Variants in RSRP1 observed in about 807,000 individuals in gnomAD.
RSRP1 encodes arginine/serine-rich protein 1.
Under a neutral mutation model 33.0 loss-of-function variants are expected in RSRP1, and 37 were observed. The ratio of observed to expected loss-of-function variants is 1.12; its 90% CI spans 0.86 to 1.48. The LOEUF is 1.48. RSRP1 is among the 40% of genes most tolerant of loss of function. The pLI, the probability that RSRP1 is intolerant of heterozygous loss-of-function variation, is 0.00. For missense variants in RSRP1, 402 were observed against 385.3 expected (o/e 1.04, Z -0.36); for synonymous variants, 167 against 158.7 (o/e 1.05, Z -0.40).
chr1:25,278,150 G>T lies in RSRP1; in HGVS notation c.-66-31121C>A, dbSNP rs550085920. ...CCAGATGGGCAGGGGCAGTGGAGGA[G>T]ATTCTAGAGATATTTAGGAGATAAG... On this transcript the variant is annotated intron_variant, in intron 1 of 1. Transcript: ENST00000561867. Among the ~76,000 whole-genome samples the T allele has an allele frequency of 1.5e-5, 2 of 129,848 alleles. 1 individual carries two copies. The highest frequency in any genetic ancestry group is 3.9e-4 in the East Asian group (2 of 5,106). The allele number at this position is 129,848 out of a possible 152,430, so 85.2% of individuals were successfully genotyped here.
At position 25,289,179 on chromosome 1, in the gene RSRP1, G is replaced by A. The variant is rs1642285447; in HGVS notation, c.-66-42150C>T. ...GGGATACTGAATGGTGAGCTAGCACGATTTTACAGAGAGTGAATTTTTTTT... is the reference window on the plus strand; with the variant it reads ...GGGATACTGAATGGTGAGCTAGCACAATTTTACAGAGAGTGAATTTTTTTT... On this transcript the variant is annotated intron_variant, in intron 1 of 1. Transcript: ENST00000561867. Among the ~76,000 whole-genome samples the A allele has an allele frequency of 1.5e-5, 2 of 132,176 alleles. 1 individual carries two copies. The highest frequency in any genetic ancestry group is 1.5e-4 in the Admixed American group (2 of 13,584). The allele number at this position is 132,176 out of a possible 152,430, so 86.7% of individuals were successfully genotyped here.
At chr1:25,307,920 C>T (rs1643937308) in intron 1 of RSRP1, 2 of 926,192 alleles carry the variant, frequency 2.2e-6, no homozygotes, top group African/African-American at 3.3e-5. Context: ...AATAACTGTG[C>T]AATTCTAAGC....
In RSRP1 at chr1:25,277,121, T is replaced by C. The variant is rs1314433302; in HGVS notation, c.-66-30092A>G. Among the ~76,000 whole-genome samples the C allele has an allele frequency of 1.6e-4, 21 of 132,462 alleles. 1 individual carries two copies. The South Asian group carries it at 4.1e-3, about 26-fold the overall frequency. 86.9% of individuals were successfully genotyped at this position (132,462 alleles called of 152,430 possible). ...CATAAAACCCTGCCATTAGTTGCAA[T>C]ATGAAGAATATAGAGAAATGCATAT... On this transcript the variant is annotated intron_variant, in intron 1 of 1. Transcript: ENST00000561867.
In RSRP1 at chr1:25,307,747, C is replaced by T. The variant is rs183188679; in HGVS notation, c.-67+30231G>A. On this transcript the variant is annotated intron_variant, in intron 1 of 1. Coordinates refer to the RSRP1 transcript ENST00000561867. ...GAGAAATCATGGAGGCGCTGCGGTT[C>T]CTACCGGTTCTTGGATGCCTTCTAC... The T allele has an allele frequency of 1.1e-3, 1,443 of 1,307,206 alleles. 270 individuals carry two copies. In the African/African-American group the frequency reaches 0.012, roughly 11 times the overall value. 81.0% of individuals were successfully genotyped at this position (1,307,206 alleles called of 1,614,324 possible). A position where few individuals can be genotyped will look rare whatever the true frequency, so the allele number is the denominator to read the frequency against.
At chr1:25,249,866 T>G (rs954999183), upstream of RSRP1, among the ~76,000 whole-genome samples, 6 of 152,206 alleles carry the variant, frequency 3.9e-5, no homozygotes, top group East Asian at 9.6e-4. Context: ...GCACCGAATT[T>G]GTAGGCTAAT....
At chr1:25,311,189 G>T (rs150173489) in intron 1 of RSRP1, among the ~76,000 whole-genome samples, 1,706 of 131,836 alleles carry the variant, frequency 0.013, 235 homozygotes, top group African/African-American at 0.041. Context: ...TTGGAAACTG[G>T]AGCAAAGGTC....
At position 25,267,853 on chromosome 1, in the gene RSRP1, C is replaced by A. The variant is rs1451044077; in HGVS notation, c.-66-20824G>T. 60 of 131,292 alleles carry A rather than the reference C, an allele frequency of 4.6e-4. 12 individuals carry two copies. Among genetic ancestry groups the A allele is most frequent in the African/African-American group, 1.5e-3 (58 of 38,482 alleles). 8.1% of individuals were successfully genotyped at this position (131,292 alleles called of 1,614,324 possible). A position where few individuals can be genotyped will look rare whatever the true frequency, so the allele number is the denominator to read the frequency against. On this transcript the variant is annotated intron_variant, in intron 1 of 1. Coordinates refer to the RSRP1 transcript ENST00000561867. Reference sequence around the variant, plus strand: ...GCGTACTCCAAACTAGCACTCCCGACGTCCAGCTGTGAACCCAGAGCGGCG... The same window carrying A: ...GCGTACTCCAAACTAGCACTCCCGAAGTCCAGCTGTGAACCCAGAGCGGCG...
rs1459271095 is a variant in RSRP1, at chr1:25,246,956, T to C, written c.8A>G (p.Asn3Ser). The part of the protein sequence containing the change: MS[N>S]YVNDMWPGSP... Reference sequence around the variant, plus strand: ...GCCCGGCCACATGTCGTTCACGTAGTTGGACATCTTCACCTGCGGCTTTAG... The same window carrying C: ...GCCCGGCCACATGTCGTTCACGTAGCTGGACATCTTCACCTGCGGCTTTAG... Residue 3 changes from asparagine (N) to serine (S), a missense_variant, in exon 2 of 5, where the codon AAC becomes AGC. By Grantham distance (46) the Asn-to-Ser change is conservative. Transcript: ENST00000243189. 2 of 1,575,090 alleles carry C rather than the reference T, an allele frequency of 1.3e-6. No individual in the cohort carries two copies. Among genetic ancestry groups the C allele is most frequent in the East Asian group, 2.3e-5 (1 of 44,196 alleles).
At chr1:25,244,224 T>G in intron 3 of RSRP1, 1 of 1,289,310 alleles carries the variant, frequency 7.8e-7, no homozygotes, top group Non-Finnish European at 1.0e-6. Context: ...TCTCAAAACA[T>G]CTGGAATATA....
In RSRP1 at chr1:25,243,577, C is replaced by G; in HGVS notation, c.729G>C (p.Gln243His). 1.9e-6 allele frequency: 3 copies of G among 1,613,810 alleles called. No homozygotes were observed. Among genetic ancestry groups the G allele is most frequent in the Non-Finnish European group, 2.5e-6 (3 of 1,179,868 alleles). The change falls in exon 4 of 5, where the codon CAG becomes CAC. Residue 243 changes from glutamine (Q) to histidine (H), a missense_variant. Gln to His is a conservative substitution (Grantham distance 24, BLOSUM62 0). Transcript: ENST00000243189. ...GTRNPNEKPT[Q>H]QRSIAFSSNN... ...TAGAGCTAAAAGCTATGCTTCTTTG[C>G]TGGGTAGGTTTTTCATTGGGATTTC...
intron 1 of RSRP1, among the ~76,000 whole-genome samples, chr1:25,273,424 G>A (rs1371936580): frequency 1.0e-5 from 1 of 100,202 alleles, no homozygotes; most frequent in Admixed American, 9.7e-5. Context: ...AATTACAGGC[G>A]TGAAGCACTG....
At chr1:25,293,380 TA>T (rs1344560642) in intron 1 of RSRP1, among the ~76,000 whole-genome samples, 1 of 130,494 alleles carries the variant, frequency 7.7e-6, no homozygotes, top group South Asian at 2.3e-4. Context: ...ACATTTTATT[TA>T]AAAAAATTAT....
rs541196643 is a variant in RSRP1 at position 25,288,949 on chromosome 1, C to G, written c.-66-41920G>C. On this transcript the variant is annotated intron_variant, in intron 1 of 1. Transcript: ENST00000561867. ...GTCCCTGTAAGACTCCTTCCCCATG[C>G]CCTTGCCCTTTTCTGACCTTCCCCT... Among the ~76,000 whole-genome samples the G allele has an allele frequency of 2.2e-5, 3 of 134,286 alleles. No individual in the cohort carries two copies. In the East Asian group the frequency reaches 5.9e-4, roughly 26 times the overall value. 88.1% of individuals were successfully genotyped at this position (134,286 alleles called of 152,430 possible). A position where few individuals can be genotyped will look rare whatever the true frequency, so the allele number is the denominator to read the frequency against.
At position 25,300,942 on chromosome 1, in the gene RSRP1, GCAGA is replaced by G; in HGVS notation, c.-67+37032_-67+37035del. ...CTCACTGCTCTTACTGGGTTTTATT[GCAGA>G]CAGACTACCACATGAACATGATGCA... On this transcript the variant is annotated intron_variant, in intron 1 of 1. Transcript: ENST00000561867. The G allele has an allele frequency of 1.2e-5, 16 of 1,377,808 alleles. 3 individuals carry two copies. The South Asian group carries it at 1.3e-4, about 11-fold the overall frequency. The allele number at this position is 1,377,808 out of a possible 1,614,324, so 85.3% of individuals were successfully genotyped here.
intron 1 of RSRP1, among the ~76,000 whole-genome samples, chr1:25,272,180 A>G (rs28710826): frequency 0.89 from 99,859 of 111,984 alleles, 46,876 homozygotes; most frequent in East Asian, 1. Flanking sequence ...GTATTGATCC[A>G]TTCCTTGCTT....
intron 1 of RSRP1, among the ~76,000 whole-genome samples, chr1:25,336,827 T>C (rs1645084007): frequency 6.7e-6 from 1 of 149,404 alleles, no homozygotes; most frequent in African/African-American, 2.6e-5. Context: ...GGTAAGAACG[T>C]GTCCATTTAA....
chr1:25,249,218 C>CTAAAGT (rs113602401), upstream of RSRP1, among the ~76,000 whole-genome samples: 7,464 of 152,066 alleles, frequency 0.049, 612 homozygotes, highest in African/African-American at 0.17. Context: ...TGTTGGGGAA[C>CTAAAGT]TAAAGTATAC....
intron 1 of RSRP1, among the ~76,000 whole-genome samples, chr1:25,298,926 A>T (rs1643151934): frequency 7.7e-6 from 1 of 129,376 alleles, no homozygotes; most frequent in African/African-American, 2.7e-5. Context: ...GCTTCATCTT[A>T]TCAAGAGGGT....
chr1:25,258,459 T>C (rs139111376), intron 1 of RSRP1, among the ~76,000 whole-genome samples: 6,789 of 152,264 alleles, frequency 0.045, 239 homozygotes, highest in Non-Finnish European at 0.069. Flanking sequence ...ATTACAGGTG[T>C]GAGCTACCGT....
Sources: allele counts gnomAD v4.1 joint callset (sites outside exome capture counted in the v4.1 genomes callset), GRCh38; gene constraint gnomAD v4.1.1; transcripts MANE v1.5; gene names NCBI Gene and HGNC (gene_info 2026-07-23, HGNC 2026-07-21).